PAGE2B: variants seen among roughly 807,000 people sequenced by gnomAD.
PAGE2B encodes the protein PAGE family member 2B, also known as putative G antigen family E member 3.
Under a neutral mutation model 7.6 loss-of-function variants are expected in PAGE2B, and 5 were observed. The observed-to-expected ratio is 0.66, with a 90% CI of 0.34 to 1.38. The LOEUF (loss-of-function observed/expected upper bound fraction) is 1.38. Ranked by LOEUF, PAGE2B falls within the 40% of genes most tolerant of loss-of-function variation. The pLI is 0.04. For missense variants in PAGE2B, 70 were observed against 78.4 expected (o/e 0.89, Z 0.41); for synonymous variants, 29 against 26.7 (o/e 1.09, Z -0.27).
chrX:55,056,913 A>G, the PAGE2B span, among the ~76,000 whole-genome samples: 1 of 111,672 alleles, frequency 9.0e-6, no homozygotes, highest in African/African-American at 3.3e-5. Context: ...ATGAGGTACA[A>G]AGAAAGATAC....
the PAGE2B span, among the ~76,000 whole-genome samples, chrX:55,067,805 A>C: frequency 8.9e-6 from 1 of 112,605 alleles, no homozygotes; most frequent in Non-Finnish European, 1.9e-5. Flanking sequence ...ATGACCAGTG[A>C]TGATGAACTT....
At chrX:55,070,366 T>C (rs1396920410), upstream of PAGE2B, among the ~76,000 whole-genome samples, 1 of 112,372 alleles carries the variant, frequency 8.9e-6, no homozygotes, top group Non-Finnish European at 1.9e-5. Flanking sequence ...TTCTTAATCC[T>C]GAGTTCTAAT....
the PAGE2B span, among the ~76,000 whole-genome samples, chrX:55,038,067 T>TA: frequency 1.8e-5 from 2 of 108,676 alleles, no homozygotes; most frequent in African/African-American, 6.7e-5. Context: ...AAAATAAAAA[T>TA]AAAAAAAAGA....
chrX:55,041,706 C>A, the PAGE2B span, among the ~76,000 whole-genome samples: 1 of 111,743 alleles, frequency 8.9e-6, no homozygotes, highest in East Asian at 2.8e-4. Flanking sequence ...TGGTCTCCCC[C>A]ACAGGCTCTG....
At chrX:55,075,198 G>A in intron 1 of PAGE2B, 84 bp downstream of exon 1, 1 of 134,714 alleles carries the variant, frequency 7.4e-6, no homozygotes, top group Non-Finnish European at 1.5e-5. Context: ...AGGTCCTGCG[G>A]CACAGTCCGT....
At position 55,076,542 on chromosome X, in the gene PAGE2B, T is replaced by A. The variant is rs201805112; in HGVS notation, c.85-27T>A. 1,186 of 1,140,999 alleles carry A rather than the reference T, an allele frequency of 1.0e-3. 1 individual carries two copies. Among genetic ancestry groups the A allele is most frequent in the Non-Finnish European group, 1.3e-3 (1,107 of 847,982 alleles). 94.0% of individuals were successfully genotyped at this position (1,140,999 alleles called of 1,213,427 possible). A position where few individuals can be genotyped will look rare whatever the true frequency, so the allele number is the denominator to read the frequency against. On this transcript the variant is annotated intron_variant, in intron 2 of 4. Transcript: ENST00000374971. The stretch of plus-strand genomic sequence containing the variant: ...TTGTGTATTTATATTATTGACTTTT[T>A]ATTCACACACACACTTACACCCTTA...
chrX:55,059,135 T>G, the PAGE2B span, among the ~76,000 whole-genome samples: 1 of 111,915 alleles, frequency 8.9e-6, no homozygotes, highest in Non-Finnish European at 1.9e-5. Flanking sequence ...ATGGGTGACT[T>G]AAACAACAGA....
chrX:55,059,931 T>A, the PAGE2B span, among the ~76,000 whole-genome samples: 2 of 111,464 alleles, frequency 1.8e-5, no homozygotes, highest in African/African-American at 6.5e-5. Flanking sequence ...TTATGTGGAT[T>A]GTTGCAAATG....
chrX:55,058,911 A>G, the PAGE2B span, among the ~76,000 whole-genome samples: 1 of 110,355 alleles, frequency 9.1e-6, no homozygotes, highest in African/African-American at 3.3e-5. Flanking sequence ...ACATATCTCA[A>G]TTCTTCCTCA....
At chrX:55,030,817 A>T in the PAGE2B span, 1 of 186,188 alleles carries the variant, frequency 5.4e-6, no homozygotes, top group South Asian at 8.5e-5. Flanking sequence ...TGAAAAAGAG[A>T]CAGATTCTAA....
chrX:55,033,301 G>T, the PAGE2B span, among the ~76,000 whole-genome samples: 1 of 111,904 alleles, frequency 8.9e-6, no homozygotes, highest in Non-Finnish European at 1.9e-5. Context: ...GGAGGAAAGT[G>T]TGTGGGACTT....
chrX:55,052,745 C>G, the PAGE2B span, among the ~76,000 whole-genome samples: 3 of 113,000 alleles, frequency 2.7e-5, no homozygotes, highest in Non-Finnish European at 5.6e-5. Flanking sequence ...TTCCCTGACC[C>G]CTTGTGCTTC....
the PAGE2B span, among the ~76,000 whole-genome samples, chrX:55,060,485 A>C: frequency 9.0e-6 from 1 of 111,462 alleles, no homozygotes; most frequent in Non-Finnish European, 1.9e-5. Context: ...TTTTCTTGCT[A>C]TTGAGTTGTC....
the PAGE2B span, among the ~76,000 whole-genome samples, chrX:55,030,702 A>G: frequency 8.9e-6 from 1 of 111,931 alleles, no homozygotes; most frequent in Middle Eastern, 4.6e-3. Flanking sequence ...ATGAAATGAA[A>G]TGAATGATCT....
At chrX:55,031,772 C>T in the PAGE2B span, among the ~76,000 whole-genome samples, 1 of 111,124 alleles carries the variant, frequency 9.0e-6, no homozygotes, top group Non-Finnish European at 1.9e-5. Context: ...TTACCTTCTC[C>T]TCCCTTTTTC....
the PAGE2B span, among the ~76,000 whole-genome samples, chrX:55,037,585 A>G: frequency 9.0e-6 from 1 of 111,256 alleles, no homozygotes. Flanking sequence ...TGATGCTGCT[A>G]TAAAGACACA....
upstream of PAGE2B, among the ~76,000 whole-genome samples, chrX:55,070,030 T>A (rs1936435156): frequency 9.0e-6 from 1 of 111,599 alleles, no homozygotes; most frequent in Admixed American, 9.5e-5. Context: ...TTCGTGTTTG[T>A]ATCTCCTTCA....
chrX:55,057,757 T>A, the PAGE2B span, among the ~76,000 whole-genome samples: 6 of 111,919 alleles, frequency 5.4e-5, no homozygotes, highest in Non-Finnish European at 1.1e-4. Context: ...AATGTCTAAT[T>A]AATATGTATT....
chrX:55,061,728 C>T, the PAGE2B span, among the ~76,000 whole-genome samples: 1 of 111,140 alleles, frequency 9.0e-6, no homozygotes, highest in African/African-American at 3.3e-5. Context: ...TTAACCATCC[C>T]CAGTTCCCTG....
Sources: allele counts gnomAD v4.1 joint callset (sites outside exome capture counted in the v4.1 genomes callset), GRCh38; gene constraint gnomAD v4.1.1; transcripts MANE v1.5; gene names NCBI Gene and HGNC (gene_info 2026-07-23, HGNC 2026-07-21).